PYGL: variants seen among roughly 807,000 people sequenced by gnomAD.
The protein encoded by PYGL is glycogen phosphorylase L, also known as glycogen phosphorylase, liver form.
In PYGL, 90 loss-of-function variants were observed where a neutral mutation model predicts 100.1. That is an observed-to-expected ratio of 0.90 (90% CI 0.76 to 1.07). The LOEUF (loss-of-function observed/expected upper bound fraction) is 1.07, where lower values mean the gene tolerates loss of function less well. Ranked by LOEUF, PYGL falls within the 50% of genes least tolerant of loss-of-function variation. The pLI is 0.00. For synonymous variants in PYGL, 373 were observed against 393.0 expected (o/e 0.95, Z 0.60); for missense variants, 1,016 against 1,057.6 (o/e 0.96, Z 0.55).
In PYGL at chr14:50,917,087, G is replaced by C. The variant is rs909843391; in HGVS notation, c.874C>G (p.Leu292Val). 1.1e-5 allele frequency: 18 copies of C among 1,613,872 alleles called. No homozygotes were observed. The East Asian group carries it at 3.3e-4, about 30-fold the overall frequency. Reference protein sequence around the residue: ...PNDNFFEGKELRLKQEYFVVA... With the variant: ...PNDNFFEGKEVRLKQEYFVVA... ...ACAAAGTATTCCTGCTTCAATCTTA[G>C]CTCCTTCCCTTCAAAAAACTTCAAG... Residue 292 changes from leucine to valine, a missense_variant, in exon 8 of 20, where the codon CTA becomes GTA. Transcript: ENST00000216392.
chr14:50,907,118 AAAC>A (rs1370867245), intron 19 of PYGL, among the ~76,000 whole-genome samples: 1 of 152,220 alleles, frequency 6.6e-6, no homozygotes, highest in African/African-American at 2.4e-5. Context: ...CATATTTACA[AAAC>A]ACAGCTAGAG....
At chr14:50,941,386 T>C (rs985834538) in intron 1 of PYGL, among the ~76,000 whole-genome samples, 1 of 152,148 alleles carries the variant, frequency 6.6e-6, no homozygotes, top group Middle Eastern at 3.2e-3. Flanking sequence ...TTTTACCACT[T>C]CTGGAAAGCA....
At chr14:50,943,995 C>T (rs576539481) in intron 1 of PYGL, among the ~76,000 whole-genome samples, 166 bp downstream of exon 1, 194 of 152,268 alleles carry the variant, frequency 1.3e-3, no homozygotes, top group Non-Finnish European at 2.4e-3. Context: ...CCTAATCTGT[C>T]CCCCAGGCTG....
intron 1 of PYGL, among the ~76,000 whole-genome samples, chr14:50,938,728 C>T (rs563276460): frequency 9.2e-5 from 14 of 152,152 alleles, no homozygotes; most frequent in African/African-American, 2.7e-4. Flanking sequence ...TTTTTACCCC[C>T]GGGGAGAAAA....
intron 13 of PYGL, 110 bp from the exon 14 acceptor site, chr14:50,912,413 C>T: frequency 2.2e-6 from 3 of 1,373,634 alleles, no homozygotes; most frequent in Admixed American, 3.4e-5. Flanking sequence ...GGCTGGAGTG[C>T]AGTGGCATGA....
chr14:50,923,893 T>C (rs560494180), intron 5 of PYGL, 76 bp downstream of exon 5: 1 of 1,509,422 alleles, frequency 6.6e-7, no homozygotes, highest in East Asian at 2.3e-5. Context: ...ATCACCACTA[T>C]ATGCTACATA....
chr14:50,905,364 C>T lies in PYGL; in HGVS notation c.*28G>A. On this transcript the variant is annotated 3_prime_UTR_variant, in exon 20 of 20. Transcript: ENST00000216392. ...AAAAATGTTCAAGTTCAGTAAGAAG[C>T]TATGTTTTCTAGAGACAATTCTAGA... 1.3e-6 allele frequency: 2 copies of T among 1,577,786 alleles called. No individual in the cohort carries two copies. The highest frequency in any genetic ancestry group is 1.7e-6 in the Non-Finnish European group (2 of 1,156,792).
chr14:50,937,222 C>T (rs2050661308), intron 2 of PYGL, among the ~76,000 whole-genome samples: 1 of 152,216 alleles, frequency 6.6e-6, no homozygotes, highest in South Asian at 2.1e-4. Flanking sequence ...CAACTTAGCA[C>T]ATTAGGGTTA....
At chr14:50,933,200 T>C (rs2050618441) in intron 3 of PYGL, among the ~76,000 whole-genome samples, 1 of 152,184 alleles carries the variant, frequency 6.6e-6, no homozygotes. Context: ...GGGCTTCACA[T>C]AAAAGGTAGG....
intron 17 of PYGL, 114 bp from the exon 18 acceptor site, chr14:50,909,069 A>T (rs1566499559): frequency 8.5e-7 from 1 of 1,178,912 alleles, no homozygotes. Flanking sequence ...AAATACTAGC[A>T]TTCAAAGACT....
intron 13 of PYGL, 121 bp downstream of exon 13, chr14:50,912,908 C>G (rs917932747): frequency 7.0e-6 from 6 of 854,156 alleles, no homozygotes; most frequent in South Asian, 5.7e-5. Context: ...GAGCCGAGAT[C>G]GTGCCACTGC....
At chr14:50,911,094 G>T (rs2050392008) in intron 16 of PYGL, among the ~76,000 whole-genome samples, 2 of 152,232 alleles carry the variant, frequency 1.3e-5, no homozygotes, top group African/African-American at 4.8e-5. Flanking sequence ...AGTTTGGGAA[G>T]TGGGTGAATA....
At chr14:50,909,065 T>A in intron 17 of PYGL, 110 bp from the exon 18 acceptor site, 1 of 1,242,658 alleles carries the variant, frequency 8.0e-7, no homozygotes. Flanking sequence ...TCAGAAATAC[T>A]AGCATTCAAA....
chr14:50,909,205 C>T (rs1249714552), intron 17 of PYGL, among the ~76,000 whole-genome samples: 1 of 152,142 alleles, frequency 6.6e-6, no homozygotes, highest in Admixed American at 6.5e-5. Context: ...TCTAGTCAAA[C>T]ATCAAGAGTC....
At chr14:50,938,360 G>A (rs1456884601) in intron 1 of PYGL, among the ~76,000 whole-genome samples, 1 of 150,670 alleles carries the variant, frequency 6.6e-6, no homozygotes, top group Non-Finnish European at 1.5e-5. Context: ...ACAGGCATGC[G>A]CCACCATGCC....
At chr14:50,908,460 T>C in intron 18 of PYGL, 123 bp from the exon 19 acceptor site, 2 of 937,250 alleles carry the variant, frequency 2.1e-6, no homozygotes, top group South Asian at 2.8e-5. Context: ...ACCAAATTCA[T>C]ATTTCTGTTT....
chr14:50,933,749 TACACACACACATATATACAC>T (rs1328306355), intron 3 of PYGL, among the ~76,000 whole-genome samples: 7 of 151,892 alleles, frequency 4.6e-5, no homozygotes, highest in Non-Finnish European at 1.0e-4. Flanking sequence ...TATACATATG[TACACACACACATATATACAC>T]ACACACACAC....
At position 50,912,215 on chromosome 14, in the gene PYGL, C is replaced by T; in HGVS notation, c.1709G>A (p.Arg570Lys). ...GAGCTGTCGCTTGTACTCATGTATC[C>T]TCTTCACCTGGACATCAAACATGGA... ...PSSMFDVQVK[R>K]IHEYKRQLLN... is the part of the protein sequence containing the mutation. Residue 570 changes from arginine (R) to lysine (K), a missense_variant, in exon 14 of 20, where the codon AGG becomes AAG. By Grantham distance (26) the Arg-to-Lys change is conservative. Transcript: ENST00000216392. 1.2e-6 allele frequency: 2 copies of T among 1,614,180 alleles called. No homozygotes were observed. The highest frequency in any genetic ancestry group is 1.1e-5 in the South Asian group (1 of 91,090).
rs533604501 is a variant in PYGL at position 50,921,213 on chromosome 14, C to T, written c.661-146G>A. On this transcript the variant is annotated intron_variant, in intron 5 of 19. Transcript: ENST00000216392. ...GTGAGGCCTAAATGGAGAAGAGGGT[C>T]TCAGGGCTGCAGAGGGTATTAGAGG... 441 of 665,090 alleles carry T rather than the reference C, an allele frequency of 6.6e-4. 1 individual carries two copies. The highest frequency in any genetic ancestry group is 1.1e-3 in the Non-Finnish European group (392 of 371,596). The allele number at this position is 665,090 out of a possible 1,614,324, so 41.2% of individuals were successfully genotyped here.
Sources: gnomAD v4.1 joint callset for allele counts (sites outside exome capture counted in the v4.1 genomes callset) on GRCh38, gnomAD v4.1.1 for gene constraint, MANE v1.5 for transcripts, NCBI Gene and HGNC (gene_info 2026-07-23, HGNC 2026-07-21) for gene names.